ST3GAL1: variants seen among roughly 807,000 people sequenced by gnomAD.
ST3GAL1 encodes the protein ST3 beta-galactoside alpha-2,3-sialyltransferase 1, also known as CMP-N-acetylneuraminate-beta-galactosamide-alpha-2,3-sialyltransferase 1.
ST3GAL1 carries 16 observed loss-of-function variants against 34.1 expected under a neutral mutation model. That is an observed-to-expected ratio of 0.47 (90% CI 0.32 to 0.71). The LOEUF is 0.71. Ranked by LOEUF, ST3GAL1 falls within the 30% of genes least tolerant of loss-of-function variation. The pLI is 0.04. For missense variants in ST3GAL1, 353 were observed against 447.4 expected, an observed-to-expected ratio of 0.79 and a Z score of 1.90; for synonymous variants, 191 against 184.7, an observed-to-expected ratio of 1.03 and a Z score of -0.28.
intron 7 of ST3GAL1, among the ~76,000 whole-genome samples, chr8:133,464,264 G>A (rs999436694): frequency 1.2e-4 from 18 of 152,126 alleles, no homozygotes; most frequent in Non-Finnish European, 2.2e-4. Flanking sequence ...CGAGTGCCAC[G>A]TGCGGTGTCT....
chr8:133,552,509 T>C (rs1307813335), intron 1 of ST3GAL1, among the ~76,000 whole-genome samples: 1 of 152,184 alleles, frequency 6.6e-6, no homozygotes, highest in Non-Finnish European at 1.5e-5. Context: ...ATGACATGGT[T>C]CATGCCAGCG....
intron 5 of ST3GAL1, among the ~76,000 whole-genome samples, chr8:133,470,143 G>C (rs966629213): frequency 1.3e-5 from 2 of 152,228 alleles, no homozygotes; most frequent in Non-Finnish European, 1.5e-5. Context: ...GTGCTGGCCA[G>C]GTGCGGTGGC....
At position 133,567,960 on chromosome 8, in the gene ST3GAL1, G is replaced by A. The variant is rs976306767; in HGVS notation, c.-582+3733C>T. Among the ~76,000 whole-genome samples the A allele has an allele frequency of 2.1e-4, 31 of 145,242 alleles. No homozygotes were observed. In the East Asian group the frequency reaches 4.2e-3, roughly 20 times the overall value. ...TTTTTTGAGACAGTCTCACTCTGTC[G>A]CCGAGACTGGAGTGCCATGGCACGA... On this transcript the variant is annotated intron_variant, in intron 1 of 9. Transcript: ENST00000522652.
At chr8:133,471,159 C>G (rs1296604224) in intron 5 of ST3GAL1, among the ~76,000 whole-genome samples, 1 of 152,176 alleles carries the variant, frequency 6.6e-6, no homozygotes, top group Non-Finnish European at 1.5e-5. Context: ...TCCCCAGCTG[C>G]TGTTGGTTTC....
intron 2 of ST3GAL1, among the ~76,000 whole-genome samples, chr8:133,545,461 TGTC>T (rs1476202820): frequency 6.6e-6 from 1 of 152,228 alleles, no homozygotes; most frequent in African/African-American, 2.4e-5. Context: ...GACAGGCCCT[TGTC>T]ATCAAAAGAT....
intron 1 of ST3GAL1, 111 bp from the exon 2 acceptor site, chr8:133,546,037 A>G (rs547185125): frequency 6.6e-6 from 1 of 152,232 alleles, no homozygotes; most frequent in East Asian, 1.9e-4. Flanking sequence ...TATTCCACTC[A>G]CTCACCCAAT....
At chr8:133,506,230 T>C (rs1234165949) in intron 2 of ST3GAL1, among the ~76,000 whole-genome samples, 1 of 152,182 alleles carries the variant, frequency 6.6e-6, no homozygotes. Flanking sequence ...TTTGAGACTT[T>C]GAATAGGTTA....
chr8:133,498,491 C>A (rs1169628545), intron 3 of ST3GAL1, among the ~76,000 whole-genome samples: 1 of 152,082 alleles, frequency 6.6e-6, no homozygotes, highest in Non-Finnish European at 1.5e-5. Context: ...ATCTGTCAAC[C>A]TCGTGTTTGG....
In ST3GAL1 at chr8:133,525,615, T is replaced by C. The variant is rs1817947254; in HGVS notation, c.-429+20159A>G. On this transcript the variant is annotated intron_variant, in intron 2 of 9. Transcript: ENST00000522652. The stretch of plus-strand genomic sequence containing the variant: ...TCCACAGCACCCAGGCTGTGCATGC[T>C]GAGGGACGCCTGCAGGCCTGCACTG... Among the ~76,000 whole-genome samples the C allele has an allele frequency of 2.0e-5, 3 of 152,176 alleles. No homozygotes were observed. In the South Asian group the frequency reaches 6.2e-4, roughly 32 times the overall value.
rs1563734127 is a variant in ST3GAL1, at chr8:133,540,880, G to GACATATATAT, written c.-429+4893_-429+4894insATATATATGT. 3.9e-3 allele frequency among the ~76,000 whole-genome samples: 177 copies of GACATATATAT among 44,950 alleles called. 2 individuals carry two copies. The highest frequency in any genetic ancestry group is 5.0e-3 in the Non-Finnish European group (130 of 25,774). The allele number at this position is 44,950 out of a possible 152,430, so 29.5% of individuals were successfully genotyped here. A position where few individuals can be genotyped will look rare whatever the true frequency, so the allele number is the denominator to read the frequency against. On this transcript the variant is annotated intron_variant, in intron 2 of 9. Coordinates refer to ENST00000522652, the MANE Select transcript of ST3GAL1 (RefSeq NM_173344.3). ...ACATATATATAGAGACATATATATA[G>GACATATATAT]AGACATATATATAGACATATATATA...
intron 2 of ST3GAL1, among the ~76,000 whole-genome samples, chr8:133,534,062 C>T (rs951345675): frequency 1.3e-5 from 2 of 152,156 alleles, no homozygotes; most frequent in Non-Finnish European, 2.9e-5. Flanking sequence ...GGGAAAAAAA[C>T]GGGCCCAACC....
In ST3GAL1 at chr8:133,457,655, C is replaced by T. The variant is rs1384154778; in HGVS notation, c.*2109G>A. ...TGTTTAACACATTCCCCATTCTGAA[C>T]CTTTGAGAATCTAATAAAAGCTATG... is the stretch of plus-strand genomic sequence containing the variant. On this transcript the variant is annotated 3_prime_UTR_variant, in exon 10 of 10. Transcript: ENST00000522652. The T allele has an allele frequency of 6.6e-6, 1 of 152,212 alleles. No homozygotes were observed. Among genetic ancestry groups the T allele is most frequent in the Non-Finnish European group, 1.5e-5 (1 of 68,034 alleles). The allele number at this position is 152,212 out of a possible 1,614,324, so 9.4% of individuals were successfully genotyped here.
intron 1 of ST3GAL1, among the ~76,000 whole-genome samples, chr8:133,558,349 T>C (rs985346183): frequency 7.2e-5 from 11 of 152,150 alleles, no homozygotes; most frequent in African/African-American, 2.7e-4. Flanking sequence ...ACCATTGTTA[T>C]CCAGATTTTA....
rs1189065071 is a variant in ST3GAL1, at chr8:133,467,609, A to AG, written c.307-1520dup. Among the ~76,000 whole-genome samples the AG allele has an allele frequency of 4.6e-5, 7 of 152,188 alleles. No individual in the cohort carries two copies. Among genetic ancestry groups the AG allele is most frequent in the African/African-American group, 9.7e-5 (4 of 41,446 alleles). ...TGGAATCTTGGCCTTTGGAAAGCCCAGACCCTGGATTTTGGGGTAGGGGTG... is the reference window on the plus strand; with the variant it reads ...TGGAATCTTGGCCTTTGGAAAGCCCAGGACCCTGGATTTTGGGGTAGGGGTG... On this transcript the variant is annotated intron_variant, in intron 5 of 9. Transcript: ENST00000522652. The surrounding 1 kb of genome is among the most constrained non-coding windows in gnomAD (Gnocchi z 4.2).
chr8:133,536,388 T>A (rs537092539), intron 2 of ST3GAL1, among the ~76,000 whole-genome samples: 1 of 152,212 alleles, frequency 6.6e-6, no homozygotes, highest in South Asian at 2.1e-4. Flanking sequence ...TAGCTGGGCA[T>A]GACTAGAATA....
At chr8:133,503,237 C>G (rs557265598) in intron 2 of ST3GAL1, among the ~76,000 whole-genome samples, 9 of 139,610 alleles carry the variant, frequency 6.4e-5, no homozygotes, top group Non-Finnish European at 1.3e-4. Flanking sequence ...AGTATTCTAA[C>G]GCCCCCCAAC....
intron 2 of ST3GAL1, among the ~76,000 whole-genome samples, chr8:133,506,868 T>C (rs1817358082): frequency 6.6e-6 from 1 of 151,372 alleles, no homozygotes; most frequent in Non-Finnish European, 1.5e-5. Context: ...GGTGGGTGGA[T>C]CACAAGGTCA....
chr8:133,493,738 C>T (rs958569456), intron 3 of ST3GAL1, among the ~76,000 whole-genome samples: 3 of 151,462 alleles, frequency 2.0e-5, no homozygotes, highest in Admixed American at 6.6e-5. Flanking sequence ...CCCAGCTACT[C>T]GGGAGGCTAA....
At chr8:133,470,344 A>C (rs1345143700) in intron 5 of ST3GAL1, among the ~76,000 whole-genome samples, 1 of 151,794 alleles carries the variant, frequency 6.6e-6, no homozygotes, top group Non-Finnish European at 1.5e-5. Context: ...ACTTGAACCC[A>C]GGAGGCGGAG....
Sources: allele counts gnomAD v4.1 joint callset (sites outside exome capture counted in the v4.1 genomes callset), GRCh38; gene constraint gnomAD v4.1.1; non-coding constraint Gnocchi (gnomAD v3.1); transcripts MANE v1.5; gene names NCBI Gene and HGNC (gene_info 2026-07-23, HGNC 2026-07-21).